The following AADACL2 variants were observed in gnomAD, a reference collection of about 807,000 sequenced individuals.
AADACL2 encodes arylacetamide deacetylase like 2, also known as arylacetamide deacetylase-like 2.
AADACL2 carries 23 observed loss-of-function variants against 22.3 expected under a neutral mutation model. That is an observed-to-expected ratio of 1.03 (90% CI 0.74 to 1.46). The LOEUF (loss-of-function observed/expected upper bound fraction) is 1.46. Among genes scored for constraint, AADACL2 ranks in the 40% most tolerant of loss-of-function variants. AADACL2 has a pLI of 0.00. For synonymous variants in AADACL2, 177 were observed against 166.2 expected (o/e 1.07, Z -0.50); for missense variants, 472 against 482.9 (o/e 0.98, Z 0.21).
chr3:151,757,838 A>G lies in AADACL2; in HGVS notation c.*244A>G, dbSNP rs1466745014. On this transcript the variant is annotated 3_prime_UTR_variant, in exon 5 of 5. Coordinates refer to ENST00000356517, the MANE Select transcript of AADACL2 (RefSeq NM_207365.4). ...ATTTATTATAATTATGTTGGTTCTA[A>G]TAAGAACCAATGCTTATTAAAGTTG... 1.3e-5 allele frequency: 4 copies of G among 309,082 alleles called. No homozygotes were observed. Among genetic ancestry groups the G allele is most frequent in the African/African-American group, 6.5e-5 (3 of 45,930 alleles). 19.1% of individuals were successfully genotyped at this position (309,082 alleles called of 1,614,324 possible). A position where few individuals can be genotyped will look rare whatever the true frequency, so the allele number is the denominator to read the frequency against.
In AADACL2 at chr3:151,734,118, A is replaced by G. The variant is rs201094017; in HGVS notation, c.83A>G (p.Glu28Gly). The G allele has an allele frequency of 4.3e-6, 7 of 1,613,662 alleles. No homozygotes were observed. The highest frequency in any genetic ancestry group is 5.9e-6 in the Non-Finnish European group (7 of 1,179,788). ...TACACACCCATGCCAGACAACATTG[A>G]AGAAAGCTGGAAAATAATGGCCTTG... is the stretch of plus-strand genomic sequence containing the variant. The part of the protein sequence containing the change: ...HFYTPMPDNI[E>G]ESWKIMALDA... The change falls in exon 1 of 5, where the codon GAA becomes GGA. Residue 28 changes from glutamate to glycine, a missense_variant. By Grantham distance (98) the Glu-to-Gly change is moderately conservative (BLOSUM62 -2). Coordinates refer to ENST00000356517, the MANE Select transcript of AADACL2 (RefSeq NM_207365.4).
At chr3:151,756,477 A>T (rs1236417150) in intron 4 of AADACL2, among the ~76,000 whole-genome samples, 1 of 151,992 alleles carries the variant, frequency 6.6e-6, no homozygotes, top group Non-Finnish European at 1.5e-5. Flanking sequence ...GATGTTGGTA[A>T]TGTCCACCTT....
In AADACL2 at chr3:151,757,271, T is replaced by C. The variant is rs755549173; in HGVS notation, c.883T>C (p.Tyr295His). 50 of 1,613,664 alleles carry C rather than the reference T, an allele frequency of 3.1e-5. 1 individual carries two copies. The South Asian group carries it at 5.3e-4, about 17-fold the overall frequency. ...TCTTCCTGAGAAGTATAGAAAAGAC[T>C]ATGTATATACTGAACCAATTCTTGG... Reference protein sequence around the residue: ...ILLPEKYRKDYVYTEPILGGL... With the variant: ...ILLPEKYRKDHVYTEPILGGL... The change falls in exon 5 of 5, where the codon TAT (tyrosine) becomes CAT (histidine). Residue 295 changes from tyrosine (Y) to histidine (H), a missense_variant. By Grantham distance (83) the Tyr-to-His change is moderately conservative. This residue lies in a region of AADACL2 where 356 missense variants were observed against 365.5 expected (regional missense o/e 0.97). Transcript: ENST00000356517.
chr3:151,742,696 A>G (rs1713318753), intron 2 of AADACL2, among the ~76,000 whole-genome samples: 2 of 152,132 alleles, frequency 1.3e-5, no homozygotes, highest in Non-Finnish European at 2.9e-5. Context: ...AGCTCCAAAC[A>G]TCCTGTTTGC....
Position 151,744,287 on chromosome 3 carries a change from T to C in AADACL2, c.431+125T>C, listed in dbSNP as rs150793217. 4.3e-3 allele frequency: 3,566 copies of C among 837,026 alleles called. 11 individuals are homozygous for C. Among genetic ancestry groups the C allele is most frequent in the Non-Finnish European group, 5.5e-3 (3,005 of 549,748 alleles). 51.8% of individuals were successfully genotyped at this position (837,026 alleles called of 1,614,324 possible). A position where few individuals can be genotyped will look rare whatever the true frequency, so the allele number is the denominator to read the frequency against. On this transcript the variant is annotated intron_variant, in intron 3 of 4. Transcript: ENST00000356517. ...AATTAATATATTTTACTTGTCACCA[T>C]TGCAACATAGACTGCTCCTCAAAGA...
intron 1 of AADACL2, among the ~76,000 whole-genome samples, chr3:151,738,399 C>G (rs1713164486): frequency 6.6e-6 from 1 of 152,152 alleles, no homozygotes; most frequent in South Asian, 2.1e-4. Context: ...TGTAGGTAAC[C>G]TGACCTGTCT....
chr3:151,745,711 C>A, intron 4 of AADACL2, 31 bp downstream of exon 4: 2 of 1,539,064 alleles, frequency 1.3e-6, no homozygotes, highest in East Asian at 2.4e-5. Flanking sequence ...TGATAGGAGG[C>A]AGAAATTGAG....
In AADACL2 at chr3:151,734,070, G is replaced by C. The variant is rs1391846885; in HGVS notation, c.35G>C (p.Cys12Ser). The C allele has an allele frequency of 6.2e-7, 1 of 1,613,166 alleles. No homozygotes were observed. The highest frequency in any genetic ancestry group is 8.5e-7 in the Non-Finnish European group (1 of 1,179,676). Residue 12 changes from cysteine to serine, a missense_variant, in exon 1 of 5, where the codon TGT becomes TCT. This residue lies in a region of AADACL2 where 356 missense variants were observed against 365.5 expected (regional missense o/e 0.97). Coordinates refer to ENST00000356517, the MANE Select transcript of AADACL2 (RefSeq NM_207365.4). ...GLKALCLGLLCVLFVSHFYTP... is the reference protein window; with the variant it reads ...GLKALCLGLLSVLFVSHFYTP... The stretch of plus-strand genomic sequence containing the variant: ...AAAGCTCTCTGTTTGGGGCTGCTTT[G>C]TGTTCTTTTTGTCTCTCATTTTTAC...
At chr3:151,747,806 T>A (rs1560284538) in intron 4 of AADACL2, among the ~76,000 whole-genome samples, 1 of 152,136 alleles carries the variant, frequency 6.6e-6, no homozygotes, top group Non-Finnish European at 1.5e-5. Flanking sequence ...CTAGAAGTGG[T>A]ATTGCTGAAT....
At chr3:151,746,179 C>A (rs1421635035) in intron 4 of AADACL2, among the ~76,000 whole-genome samples, 1 of 151,574 alleles carries the variant, frequency 6.6e-6, no homozygotes, top group Non-Finnish European at 1.5e-5. Context: ...CAAATTTTAC[C>A]CTGAGGTATT....
intron 1 of AADACL2, among the ~76,000 whole-genome samples, chr3:151,739,345 T>G (rs1227656599): frequency 6.6e-6 from 1 of 152,226 alleles, no homozygotes; most frequent in African/African-American, 2.4e-5. Context: ...CAGCAAAGAT[T>G]GCTGCTTGCT....
chr3:151,748,610 G>A (rs1472497476), intron 4 of AADACL2, among the ~76,000 whole-genome samples: 3 of 152,174 alleles, frequency 2.0e-5, no homozygotes, highest in African/African-American at 4.8e-5. Context: ...GAAATAGTTT[G>A]TCAGAGAGCA....
At chr3:151,736,302 CTTTTT>C (rs10575713) in intron 1 of AADACL2, among the ~76,000 whole-genome samples, 1 of 138,390 alleles carries the variant, frequency 7.2e-6, no homozygotes, top group Non-Finnish European at 1.6e-5. Context: ...AAGGATTTAT[CTTTTT>C]TTTTTTTTTT....
At chr3:151,734,266 A>AAAAGAGT in intron 1 of AADACL2, 93 bp downstream of exon 1, 1 of 1,331,620 alleles carries the variant, frequency 7.5e-7, no homozygotes, top group Non-Finnish European at 1.0e-6. Flanking sequence ...TAGTATTAAT[A>AAAAGAGT]TCACCATTTT....
intron 4 of AADACL2, among the ~76,000 whole-genome samples, chr3:151,756,655 T>C (rs1252944719): frequency 6.6e-6 from 1 of 152,050 alleles, no homozygotes; most frequent in African/African-American, 2.4e-5. Context: ...AGAAATATCT[T>C]TAGAATTGGA....
chr3:151,759,710 G>T lies in AADACL2; in HGVS notation c.*2116G>T, dbSNP rs568650063. 3 of 152,190 alleles carry T rather than the reference G, an allele frequency of 2.0e-5. No individual in the cohort carries two copies. The highest frequency in any genetic ancestry group is 7.2e-5 in the African/African-American group (3 of 41,540). The allele number at this position is 152,190 out of a possible 1,614,324, so 9.4% of individuals were successfully genotyped here. A position where few individuals can be genotyped will look rare whatever the true frequency, so the allele number is the denominator to read the frequency against. ...TTTGGTCCCAGAATATTTCTGGAAG[G>T]AACCACAGGTAGACTAGCTTCCATT... On this transcript the variant is annotated 3_prime_UTR_variant, in exon 5 of 5. Coordinates refer to ENST00000356517, the MANE Select transcript of AADACL2 (RefSeq NM_207365.4).
intron 1 of AADACL2, among the ~76,000 whole-genome samples, chr3:151,739,073 A>G (rs1713191722): frequency 6.6e-6 from 1 of 152,132 alleles, no homozygotes; most frequent in South Asian, 2.1e-4. Context: ...GAGAAGAGTC[A>G]TTCTGGTCTT....
rs746482766 is a variant in AADACL2, at chr3:151,757,338, C to T, written c.950C>T (p.Ala317Val). The T allele has an allele frequency of 1.9e-6, 3 of 1,613,766 alleles. No homozygotes were observed. In the East Asian group the frequency reaches 6.7e-5, roughly 36 times the overall value. ...TTGCCAGGACTTACAGACAGCAGAG[C>T]ATTACCCTTGTTGGCCAATGATTCT... is the stretch of plus-strand genomic sequence containing the variant. ...YSLPGLTDSR[A>V]LPLLANDSQL... Residue 317 changes from alanine (A) to valine (V), a missense_variant, in exon 5 of 5, where the codon GCA becomes GTA. Physicochemically the swap from Ala to Val is moderately conservative, Grantham distance 64. Around this residue, in one of 3 missense-constraint regions of AADACL2, gnomAD observed 113 missense variants for 100.9 expected, o/e 1.12. Coordinates refer to ENST00000356517, the MANE Select transcript of AADACL2 (RefSeq NM_207365.4).
At chr3:151,744,784 T>C (rs1713384461) in intron 3 of AADACL2, among the ~76,000 whole-genome samples, 1 of 152,154 alleles carries the variant, frequency 6.6e-6, no homozygotes, top group Non-Finnish European at 1.5e-5. Context: ...ACATTTCATA[T>C]TGGCTATAGA....
Sources: gnomAD v4.1 joint callset for allele counts (sites outside exome capture counted in the v4.1 genomes callset) on GRCh38, gnomAD v4.1.1 for gene constraint, gnomAD v4.1.1 regional missense constraint, MANE v1.5 for transcripts, NCBI Gene and HGNC (gene_info 2026-07-23, HGNC 2026-07-21) for gene names.